The following PCSK2 variants were observed in gnomAD, a reference collection of about 807,000 sequenced individuals.
PCSK2 encodes the protein proprotein convertase subtilisin/kexin type 2.
PCSK2 carries 14 observed loss-of-function variants against 69.7 expected under a neutral mutation model. The ratio of observed to expected loss-of-function variants is 0.20; its 90% CI spans 0.13 to 0.31. The LOEUF is 0.31. Ranked by LOEUF, PCSK2 falls within the 10% of genes least tolerant of loss-of-function variation. The pLI is 1.00. For missense variants in PCSK2, 544 were observed against 842.5 expected, an observed-to-expected ratio of 0.65 and a Z score of 4.39; for synonymous variants, 307 against 320.7, an observed-to-expected ratio of 0.96 and a Z score of 0.46.
intron 2 of PCSK2, among the ~76,000 whole-genome samples, chr20:17,358,045 C>G (rs1293678201): frequency 6.6e-6 from 1 of 152,138 alleles, no homozygotes; most frequent in Non-Finnish European, 1.5e-5. Flanking sequence ...GTGGCTCACG[C>G]CTGTAATCCC....
At chr20:17,233,494 A>G (rs1376803788) in intron 1 of PCSK2, among the ~76,000 whole-genome samples, 1 of 152,178 alleles carries the variant, frequency 6.6e-6, no homozygotes, top group African/African-American at 2.4e-5. Flanking sequence ...GTCATGACCC[A>G]TGAGATGACC....
chr20:17,384,915 G>A (rs2123260318), intron 5 of PCSK2, among the ~76,000 whole-genome samples: 1 of 152,160 alleles, frequency 6.6e-6, no homozygotes, highest in Non-Finnish European at 1.5e-5. Context: ...GTGACAGAAC[G>A]CAACCCTGAC....
chr20:17,275,950 A>T (rs1988056795), intron 2 of PCSK2, among the ~76,000 whole-genome samples: 1 of 152,124 alleles, frequency 6.6e-6, no homozygotes, highest in Admixed American at 6.6e-5. Flanking sequence ...CATCTATACA[A>T]TGTGGGTAAT....
At chr20:17,384,342 C>T (rs1190979291) in intron 5 of PCSK2, among the ~76,000 whole-genome samples, 1 of 149,188 alleles carries the variant, frequency 6.7e-6, no homozygotes, top group Non-Finnish European at 1.5e-5. Context: ...AATCCCAGCA[C>T]TTTGGGAGGC....
At chr20:17,239,164 A>G (rs561266027) in intron 1 of PCSK2, among the ~76,000 whole-genome samples, 1 of 152,366 alleles carries the variant, frequency 6.6e-6, no homozygotes, top group Admixed American at 6.5e-5. Flanking sequence ...AAGGTGACCC[A>G]CAAATCCTAT....
At chr20:17,449,288 C>G (rs995506221) in intron 8 of PCSK2, among the ~76,000 whole-genome samples, 1 of 152,092 alleles carries the variant, frequency 6.6e-6, no homozygotes, top group Non-Finnish European at 1.5e-5. Context: ...AGTGCTGGCT[C>G]TTGGGTCATG....
chr20:17,479,008 C>T, intron 11 of PCSK2: 1 of 839,344 alleles, frequency 1.2e-6, no homozygotes, highest in Non-Finnish European at 2.0e-6. Context: ...ATCTAGCACA[C>T]TAATAAATAA....
At chr20:17,455,579 T>C (rs1250286048) in intron 9 of PCSK2, among the ~76,000 whole-genome samples, 1 of 152,236 alleles carries the variant, frequency 6.6e-6, no homozygotes, top group Non-Finnish European at 1.5e-5. Context: ...ATGTTGATTC[T>C]TTCCTCTTCG....
chr20:17,227,345 G>A lies in PCSK2; in HGVS notation c.40G>A (p.Gly14Arg), dbSNP rs1235916416. 3 of 1,613,864 alleles carry A rather than the reference G, an allele frequency of 1.9e-6. No homozygotes were observed. The highest frequency in any genetic ancestry group is 1.7e-4 in the Middle Eastern group (1 of 5,994). ...GCVSQWKAAA[G>R]FLFCVMVFAS... ...TGTCTCCCAGTGGAAGGCGGCCGCC[G>A]GGTTCCTCTTCTGTGTCATGGTTTT... Residue 14 changes from glycine to arginine, a missense_variant, in exon 1 of 12, where the codon GGG (glycine) becomes AGG (arginine). Physicochemically the swap from Gly to Arg is moderately radical, Grantham distance 125 (BLOSUM62 -2). Around this residue, in one of 3 missense-constraint regions of PCSK2, gnomAD observed 157 missense variants for 155.0 expected, o/e 1.01. Transcript: ENST00000262545.
Position 17,395,157 on chromosome 20 carries a change from C to T in PCSK2, c.544-14106C>T, listed in dbSNP as rs140212141. 3.9e-3 allele frequency among the ~76,000 whole-genome samples: 598 copies of T among 152,264 alleles called. 1 individual carries two copies. The highest frequency in any genetic ancestry group is 7.9e-3 in the Admixed American group (121 of 15,296). ...GGTCACGACACTCTATTTGCATCTT[C>T]TCTTAGCAATGTTATCCTAAAAAGA... On this transcript the variant is annotated intron_variant, in intron 5 of 11. Coordinates refer to ENST00000262545, the MANE Select transcript of PCSK2 (RefSeq NM_002594.5).
At chr20:17,471,560 A>G (rs2033201506) in intron 11 of PCSK2, among the ~76,000 whole-genome samples, 1 of 152,206 alleles carries the variant, frequency 6.6e-6, no homozygotes, top group African/African-American at 2.4e-5. Context: ...GCCGGACACA[A>G]GGGAAATGTC....
At chr20:17,325,249 A>G (rs1472998253) in intron 2 of PCSK2, among the ~76,000 whole-genome samples, 2 of 152,126 alleles carry the variant, frequency 1.3e-5, no homozygotes, top group African/African-American at 4.8e-5. Flanking sequence ...TCCAGCACAT[A>G]TTAGGTACCA....
intron 8 of PCSK2, among the ~76,000 whole-genome samples, chr20:17,449,727 A>T (rs568543073): frequency 1.3e-5 from 2 of 151,762 alleles, no homozygotes; most frequent in African/African-American, 4.8e-5. Flanking sequence ...AGGTTTCTCC[A>T]TGTTGGTCAG....
intron 2 of PCSK2, among the ~76,000 whole-genome samples, chr20:17,329,293 C>T (rs1187424216): frequency 2.0e-5 from 3 of 152,122 alleles, no homozygotes; most frequent in African/African-American, 7.2e-5. Flanking sequence ...GGCTGTTTTA[C>T]AAGATGCTGT....
intron 1 of PCSK2, among the ~76,000 whole-genome samples, chr20:17,248,794 A>C (rs1986862966): frequency 6.6e-6 from 1 of 152,198 alleles, no homozygotes; most frequent in African/African-American, 2.4e-5. Flanking sequence ...GCTGTCCTTG[A>C]GTCCCACTCA....
chr20:17,390,433 A>C (rs2031342941), intron 5 of PCSK2, among the ~76,000 whole-genome samples: 1 of 152,206 alleles, frequency 6.6e-6, no homozygotes, highest in South Asian at 2.1e-4. Flanking sequence ...TTTAAAGCAC[A>C]ACCTATAAGC....
chr20:17,469,883 T>G (rs973072578), intron 11 of PCSK2, among the ~76,000 whole-genome samples: 8 of 152,088 alleles, frequency 5.3e-5, no homozygotes, highest in Admixed American at 3.9e-4. Context: ...GAGGCTTGGG[T>G]AGGGGAGGGA....
intron 11 of PCSK2, among the ~76,000 whole-genome samples, chr20:17,476,977 A>G (rs373355111): frequency 2.6e-5 from 4 of 152,326 alleles, no homozygotes; most frequent in African/African-American, 7.2e-5. Context: ...CACTCCATAC[A>G]TGATTCAGCA....
intron 4 of PCSK2, among the ~76,000 whole-genome samples, chr20:17,368,081 G>A (rs1024379712): frequency 6.6e-6 from 1 of 152,012 alleles, no homozygotes; most frequent in African/African-American, 2.4e-5. Flanking sequence ...GAAAAAAAAA[G>A]AAAAATTTCT....
Sources: gnomAD v4.1 joint callset for allele counts (sites outside exome capture counted in the v4.1 genomes callset) on GRCh38, gnomAD v4.1.1 for gene constraint, gnomAD v4.1.1 regional missense constraint, MANE v1.5 for transcripts, NCBI Gene and HGNC (gene_info 2026-07-23, HGNC 2026-07-21) for gene names.